Variants in RUFY3 observed in about 807,000 individuals in gnomAD.
RUFY3 encodes the protein protein RUFY3.
In RUFY3, 34 loss-of-function variants were observed where a neutral mutation model predicts 84.0. That is an observed-to-expected ratio of 0.40 (90% CI 0.31 to 0.54). RUFY3 has a LOEUF of 0.54. RUFY3 is among the 20% of genes least tolerant of loss of function. The pLI, the probability that RUFY3 is intolerant of heterozygous loss-of-function variation, is 0.39. For missense variants in RUFY3, 507 were observed against 736.8 expected (o/e 0.69, Z 3.61); for synonymous variants, 242 against 252.9 (o/e 0.96, Z 0.41).
Position 70,793,842 on chromosome 4 carries a change from A to G in RUFY3, c.1395A>G (p.Lys465=), listed in dbSNP as rs376198661. 1.2e-6 allele frequency: 2 copies of G among 1,614,002 alleles called. No homozygotes were observed. Among genetic ancestry groups the G allele is most frequent in the African/African-American group, 1.3e-5 (1 of 74,902 alleles). The change falls in exon 13 of 18, where the codon AAA becomes AAG. Residue 465 remains lysine (K), a synonymous_variant. Transcript: ENST00000381006. ...CTGAGTTGGACAACCGGCTCTTCAAACAGGACTTTGGAGACAAGATCAACA... is the reference window on the plus strand; with the variant it reads ...CTGAGTTGGACAACCGGCTCTTCAAGCAGGACTTTGGAGACAAGATCAACA... ...QSAELDNRLF[K]QDFGDKINSL...
chr4:70,727,864 G>A (rs1297919869), intron 1 of RUFY3, among the ~76,000 whole-genome samples: 1 of 151,990 alleles, frequency 6.6e-6, no homozygotes, highest in African/African-American at 2.4e-5. Context: ...TACGTGAAGG[G>A]CAGGGATAGT....
intron 8 of RUFY3, among the ~76,000 whole-genome samples, chr4:70,780,142 T>C (rs986401498): frequency 3.3e-5 from 5 of 152,198 alleles, no homozygotes; most frequent in African/African-American, 1.2e-4. Flanking sequence ...TTTGGAATGT[T>C]CAGCACAGAT....
chr4:70,732,062 C>A (rs1215763520), intron 1 of RUFY3, among the ~76,000 whole-genome samples: 3 of 152,098 alleles, frequency 2.0e-5, no homozygotes, highest in Non-Finnish European at 4.4e-5. Context: ...CCTGATTATT[C>A]TTTTTGTTTT....
rs1199430449 is a variant in RUFY3 at position 70,807,443 on chromosome 4, AAGG to A, written c.*787_*789del. 1.3e-5 allele frequency: 2 copies of A among 152,192 alleles called. No individual in the cohort carries two copies. The highest frequency in any genetic ancestry group is 4.8e-5 in the African/African-American group (2 of 41,448). The allele number at this position is 152,192 out of a possible 1,614,324, so 9.4% of individuals were successfully genotyped here. Reference sequence around the variant, plus strand: ...CTTTCCAAGTCATAATGGAAATTGTAAGGAGTTTTAAAAATAGGGTTTGGCTTT... The same window carrying A: ...CTTTCCAAGTCATAATGGAAATTGTAAGTTTTAAAAATAGGGTTTGGCTTT... On this transcript the variant is annotated 3_prime_UTR_variant, in exon 18 of 18. Coordinates refer to ENST00000381006, the MANE Select transcript of RUFY3 (RefSeq NM_001037442.4).
rs56698934 is a variant in RUFY3, at chr4:70,759,372, A to ATG, written c.179-3119_179-3118dup. ...TGGCTGAATTTGTGTGTGTGTGTGT[A>ATG]TGTGTGTGTGTGTGTGTGTGTGTGT... On this transcript the variant is annotated intron_variant, in intron 1 of 17. Coordinates refer to ENST00000381006, the MANE Select transcript of RUFY3 (RefSeq NM_001037442.4). Among the ~76,000 whole-genome samples, 688 of 146,980 alleles carry ATG rather than the reference A, an allele frequency of 4.7e-3. 6 individuals are homozygous for ATG. The highest frequency in any genetic ancestry group is 0.014 in the African/African-American group (556 of 39,318).
chr4:70,805,349 T>C (rs1732730871), intron 17 of RUFY3, among the ~76,000 whole-genome samples: 1 of 152,200 alleles, frequency 6.6e-6, no homozygotes, highest in Admixed American at 6.5e-5. Context: ...TAAGGAAGTA[T>C]TCAGAAAGAA....
In RUFY3 at chr4:70,722,009, C is replaced by G. The variant is rs78815561; in HGVS notation, c.-565C>G. The G allele has an allele frequency of 2.1e-3, 2,604 of 1,232,170 alleles. 55 individuals are homozygous for G. In the African/African-American group the frequency reaches 0.037, roughly 18 times the overall value. The allele number at this position is 1,232,170 out of a possible 1,614,324, so 76.3% of individuals were successfully genotyped here. On this transcript the variant is annotated 5_prime_UTR_variant, in exon 1 of 18. Transcript: ENST00000381006. ...TGGTCAACACCCTGCTTACTGCGCA[C>G]GGCCAATCCTATGAGAACTCAGCAT... is the stretch of plus-strand genomic sequence containing the variant.
intron 1 of RUFY3, among the ~76,000 whole-genome samples, chr4:70,761,303 A>T (rs1158829732): frequency 2.6e-5 from 4 of 152,188 alleles, no homozygotes; most frequent in African/African-American, 9.7e-5. Context: ...TTAGCACCGG[A>T]AAGAAGGGAG....
At position 70,769,753 on chromosome 4, in the gene RUFY3, C is replaced by T. The variant is rs538211239; in HGVS notation, c.696+1092C>T. On this transcript the variant is annotated intron_variant, in intron 5 of 17. Coordinates refer to ENST00000381006, the MANE Select transcript of RUFY3 (RefSeq NM_001037442.4). ...CTTTATCAACTAAGTTTATGTAATA[C>T]TCTAGTAAACCATGCTGTAAACAGA... Among the ~76,000 whole-genome samples the T allele has an allele frequency of 4.1e-4, 63 of 152,312 alleles. No homozygotes were observed. In the South Asian group the frequency reaches 9.9e-3, roughly 24 times the overall value.
intron 1 of RUFY3, among the ~76,000 whole-genome samples, chr4:70,756,117 T>C (rs1007471163): frequency 1.3e-5 from 2 of 152,122 alleles, no homozygotes; most frequent in Non-Finnish European, 2.9e-5. Context: ...AAACTACAAA[T>C]AGGGAAGTTA....
Position 70,739,778 on chromosome 4 carries a change from A to G in RUFY3, c.178+17027A>G, listed in dbSNP as rs1281090335. ...CATCCAGAGAAAAAAGAAGTACAAG[A>G]GGGGCCAGGCTCACCTTCTACCAGA... is the stretch of plus-strand genomic sequence containing the variant. On this transcript the variant is annotated intron_variant, in intron 1 of 17. Transcript: ENST00000381006. 6.0e-5 allele frequency among the ~76,000 whole-genome samples: 9 copies of G among 149,610 alleles called. No homozygotes were observed. The Admixed American group carries it at 6.1e-4, about 10-fold the overall frequency.
chr4:70,797,935 A>G (rs1173616491), intron 14 of RUFY3, among the ~76,000 whole-genome samples: 1 of 152,208 alleles, frequency 6.6e-6, no homozygotes, highest in Non-Finnish European at 1.5e-5. Flanking sequence ...AAAGGCTTAC[A>G]AAAGTTTACT....
intron 15 of RUFY3, among the ~76,000 whole-genome samples, chr4:70,801,723 G>A (rs558215047): frequency 6.6e-6 from 1 of 152,298 alleles, no homozygotes; most frequent in South Asian, 2.1e-4. Flanking sequence ...TGGCCTAAAT[G>A]TCCCTTTCTG....
chr4:70,709,159 A>G (rs776855723), intron 1 of RUFY3, among the ~76,000 whole-genome samples: 5 of 152,236 alleles, frequency 3.3e-5, no homozygotes, highest in Non-Finnish European at 7.3e-5. Flanking sequence ...CATGAAATCA[A>G]TCTGCTTCAA....
chr4:70,734,482 G>A, intron 1 of RUFY3: 9 of 985,250 alleles, frequency 9.1e-6, no homozygotes, highest in Non-Finnish European at 1.1e-5. Context: ...AAGTGAGAAG[G>A]TTGTAGCTTT....
chr4:70,741,508 A>C lies in RUFY3; in HGVS notation c.178+18757A>C, dbSNP rs1721315408. On this transcript the variant is annotated intron_variant, in intron 1 of 17. Coordinates refer to ENST00000381006, the MANE Select transcript of RUFY3 (RefSeq NM_001037442.4). ...GTTAATCGCTGTGATAAGTAGAAAG[A>C]ATCCTAGGAACCTCCCTTTCAGTTA... The C allele has an allele frequency of 9.6e-6, 7 of 726,626 alleles. No homozygotes were observed. In the South Asian group the frequency reaches 1.4e-4, roughly 15 times the overall value. The allele number at this position is 726,626 out of a possible 1,614,324, so 45.0% of individuals were successfully genotyped here.
intron 1 of RUFY3, among the ~76,000 whole-genome samples, chr4:70,709,942 G>A (rs776957210): frequency 1.3e-5 from 2 of 152,192 alleles, no homozygotes; most frequent in African/African-American, 2.4e-5. Flanking sequence ...TAGGAGGAAG[G>A]CTAGAAGAGG....
At chr4:70,715,370 G>C (rs1309935449) in intron 1 of RUFY3, among the ~76,000 whole-genome samples, 3 of 151,912 alleles carry the variant, frequency 2.0e-5, no homozygotes, top group African/African-American at 7.3e-5. Context: ...GATCTCTCGA[G>C]GTCAGGAGTT....
At position 70,775,176 on chromosome 4, in the gene RUFY3, A is replaced by G; in HGVS notation, c.767A>G (p.Gln256Arg). The G allele has an allele frequency of 6.2e-7, 1 of 1,600,176 alleles. No individual in the cohort carries two copies. Among genetic ancestry groups the G allele is most frequent in the East Asian group, 2.3e-5 (1 of 44,412 alleles). Reference sequence around the variant, plus strand: ...TCTTCCCCTTCCCCCAGAGACGGTCAGATTACTGCAATTCTGGACCAGAAG... The same window carrying G: ...TCTTCCCCTTCCCCCAGAGACGGTCGGATTACTGCAATTCTGGACCAGAAG... ...NSSKGTEGDG[Q>R]ITAILDQKNY... The change falls in exon 7 of 18, where the codon CAG (glutamine) becomes CGG (arginine). Residue 256 changes from glutamine (Q) to arginine (R), a missense_variant. Physicochemically the swap from Gln to Arg is conservative, Grantham distance 43. This residue lies in a region of RUFY3 where 23 missense variants were observed against 17.0 expected (regional missense o/e 1.36). Transcript: ENST00000381006.
Sources: gnomAD v4.1 joint callset for allele counts (sites outside exome capture counted in the v4.1 genomes callset) on GRCh38, gnomAD v4.1.1 for gene constraint, gnomAD v4.1.1 regional missense constraint, MANE v1.5 for transcripts, NCBI Gene and HGNC (gene_info 2026-07-23, HGNC 2026-07-21) for gene names.